Variants in IMPG1 observed in about 807,000 individuals in gnomAD.
The protein encoded by IMPG1 is interphotoreceptor matrix proteoglycan 1.
IMPG1 carries 85 observed loss-of-function variants against 92.0 expected under a neutral mutation model. That is an observed-to-expected ratio of 0.92 (90% CI 0.78 to 1.11). The LOEUF (loss-of-function observed/expected upper bound fraction) is 1.11, where lower values mean the gene tolerates loss of function less well. Ranked by LOEUF, IMPG1 falls within the 50% of genes least tolerant of loss-of-function variation. The pLI, the probability that IMPG1 is intolerant of heterozygous loss-of-function variation, is 0.00. For missense variants in IMPG1, 1,022 were observed against 956.0 expected (o/e 1.07, Z -0.91); for synonymous variants, 367 against 334.1 (o/e 1.10, Z -1.08).
At chr6:75,980,361 A>G (rs1782607263) in intron 12 of IMPG1, among the ~76,000 whole-genome samples, 5 of 152,250 alleles carry the variant, frequency 3.3e-5, no homozygotes, top group Admixed American at 3.3e-4. Flanking sequence ...TATTAATAAT[A>G]TACAGGTGTG....
intron 14 of IMPG1, chr6:75,935,033 G>GGGAC: frequency 2.1e-6 from 1 of 470,458 alleles, no homozygotes; most frequent in South Asian, 1.6e-5. Flanking sequence ...CTGGGCTGAG[G>GGGAC]TCCCGTTGGG....
At chr6:76,007,175 T>C (rs1783112247) in intron 9 of IMPG1, among the ~76,000 whole-genome samples, 1 of 152,190 alleles carries the variant, frequency 6.6e-6, no homozygotes, top group East Asian at 1.9e-4. Context: ...ATTTAAGAAA[T>C]AAATTATGCT....
At chr6:76,033,451 G>A (rs560651464) in intron 4 of IMPG1, among the ~76,000 whole-genome samples, 54 of 152,288 alleles carry the variant, frequency 3.5e-4, no homozygotes, top group Non-Finnish European at 6.8e-4. Flanking sequence ...CATTGAACAA[G>A]ACTCAATGTA....
At chr6:75,973,863 T>C (rs777271106) in intron 12 of IMPG1, among the ~76,000 whole-genome samples, 1 of 152,202 alleles carries the variant, frequency 6.6e-6, no homozygotes, top group Non-Finnish European at 1.5e-5. Flanking sequence ...ACCTAACAAC[T>C]CTCATTAGCT....
At chr6:75,937,125 C>T (rs1781760443) in intron 14 of IMPG1, among the ~76,000 whole-genome samples, 1 of 151,946 alleles carries the variant, frequency 6.6e-6, no homozygotes, top group South Asian at 2.1e-4. Context: ...GATGATGGGG[C>T]AAATGAAGAG....
chr6:75,998,660 C>T (rs1782937786), intron 12 of IMPG1, among the ~76,000 whole-genome samples: 2 of 152,208 alleles, frequency 1.3e-5, no homozygotes, highest in African/African-American at 4.8e-5. Flanking sequence ...CACTAAAGAA[C>T]TTCTCTCCTG....
chr6:76,061,297 T>A (rs1246460266), intron 1 of IMPG1, among the ~76,000 whole-genome samples: 9 of 152,214 alleles, frequency 5.9e-5, no homozygotes, highest in Admixed American at 5.9e-4. Context: ...TTTAAGGACA[T>A]CCTCTTAGAC....
Position 75,997,203 on chromosome 6 carries a change from A to G in IMPG1, c.1291+5715T>C, listed in dbSNP as rs1050026250. On this transcript the variant is annotated intron_variant, in intron 12 of 16. Transcript: ENST00000369950. ...CCATTCTTTCTTTTCTTTAGATGAC[A>G]TTTTTCTTGTAGACCTCTCTGAATA... Among the ~76,000 whole-genome samples the G allele has an allele frequency of 3.3e-5, 5 of 152,232 alleles. No individual in the cohort carries two copies. In the East Asian group the frequency reaches 9.7e-4, roughly 29 times the overall value.
At position 75,979,384 on chromosome 6, in the gene IMPG1, C is replaced by G. The variant is rs553456510; in HGVS notation, c.1291+23534G>C. On this transcript the variant is annotated intron_variant, in intron 12 of 16. Transcript: ENST00000369950. ...AAAAGGGGTGTGGAGAGGGGACATC[C>G]AATGAAGTGGCAGTGCTGAACCTTT... 1.1e-3 allele frequency among the ~76,000 whole-genome samples: 162 copies of G among 152,272 alleles called. 3 individuals carry two copies. The highest frequency in any genetic ancestry group is 6.2e-4 in the South Asian group (3 of 4,826).
At chr6:75,939,066 T>C (rs969089828) in intron 14 of IMPG1, among the ~76,000 whole-genome samples, 5 of 152,168 alleles carry the variant, frequency 3.3e-5, no homozygotes, top group African/African-American at 9.7e-5. Context: ...CTTGAACCCC[T>C]GGGCTCAAGC....
intron 1 of IMPG1, among the ~76,000 whole-genome samples, chr6:76,069,592 C>G (rs1784373111): frequency 2.0e-5 from 3 of 152,018 alleles, no homozygotes; most frequent in Non-Finnish European, 2.9e-5. Context: ...AAAAACAGAA[C>G]TACCATTTGA....
intron 14 of IMPG1, among the ~76,000 whole-genome samples, chr6:75,938,532 G>A (rs1781785075): frequency 2.6e-5 from 4 of 152,346 alleles, no homozygotes; most frequent in African/African-American, 9.6e-5. Flanking sequence ...ACTATTCTGG[G>A]CCAGATGTGG....
At chr6:75,973,310 G>T (rs1782453892) in intron 12 of IMPG1, among the ~76,000 whole-genome samples, 1 of 135,106 alleles carries the variant, frequency 7.4e-6, no homozygotes, top group Non-Finnish European at 1.6e-5. Flanking sequence ...GCCCAAAACT[G>T]ATCTTTCTGT....
chr6:75,972,676 G>GT (rs1282146416), intron 12 of IMPG1, among the ~76,000 whole-genome samples: 1 of 151,998 alleles, frequency 6.6e-6, no homozygotes, highest in East Asian at 1.9e-4. Context: ...GATACATTTT[G>GT]TTTTTTACAC....
chr6:75,972,629 A>G (rs1184012235), intron 12 of IMPG1, among the ~76,000 whole-genome samples: 2 of 152,274 alleles, frequency 1.3e-5, no homozygotes, highest in Admixed American at 6.5e-5. Flanking sequence ...CAGTCTCCCA[A>G]TTTTAATAGT....
intron 12 of IMPG1, among the ~76,000 whole-genome samples, chr6:75,964,902 A>G (rs1782280303): frequency 1.3e-5 from 2 of 152,134 alleles, no homozygotes; most frequent in African/African-American, 4.8e-5. Flanking sequence ...TCTGGCAACC[A>G]CTAATGTGTT....
At chr6:75,964,634 G>T (rs1303505515) in intron 12 of IMPG1, among the ~76,000 whole-genome samples, 1 of 136,444 alleles carries the variant, frequency 7.3e-6, no homozygotes, top group African/African-American at 2.9e-5. Flanking sequence ...CTGAGATGGC[G>T]CCACTGCACT....
chr6:75,935,344 C>G (rs1384303480), intron 14 of IMPG1, among the ~76,000 whole-genome samples: 1 of 152,234 alleles, frequency 6.6e-6, no homozygotes, highest in East Asian at 1.9e-4. Context: ...CCTGGATCAT[C>G]TTTTCCCATT....
chr6:75,974,420 C>G (rs1300550870), intron 12 of IMPG1, among the ~76,000 whole-genome samples: 87 of 134,584 alleles, frequency 6.5e-4, no homozygotes, highest in East Asian at 4.0e-3. Flanking sequence ...TTCCTTCCTT[C>G]CTTCCTTGCT....
Sources: allele counts gnomAD v4.1 joint callset (sites outside exome capture counted in the v4.1 genomes callset), GRCh38; gene constraint gnomAD v4.1.1; transcripts MANE v1.5; gene names NCBI Gene and HGNC (gene_info 2026-07-23, HGNC 2026-07-21).